The following RHBDF1 variants were observed in gnomAD, a reference collection of about 807,000 sequenced individuals.
The protein encoded by RHBDF1 is rhomboid 5 homolog 1, also known as inactive rhomboid protein 1.
A neutral mutation model predicts 98.6 loss-of-function variants in RHBDF1; 80 were observed. The observed-to-expected ratio is 0.81, with a 90% CI of 0.68 to 0.98. RHBDF1 has a LOEUF of 0.98. Ranked by LOEUF, RHBDF1 falls within the 50% of genes least tolerant of loss-of-function variation. RHBDF1 has a pLI of 0.00. For synonymous variants in RHBDF1, 512 were observed against 486.8 expected (o/e 1.05, Z -0.68); for missense variants, 1,116 against 1,198.3 (o/e 0.93, Z 1.01).
chr16:60,953 TG>T, intron 11 of RHBDF1, 166 bp downstream of exon 11: 6 of 685,600 alleles, frequency 8.8e-6, no homozygotes, highest in Non-Finnish European at 1.4e-5. Context: ...GAGCTGGAGA[TG>T]GGGGAGGGTG....
chr16:59,502 G>C lies in RHBDF1; in HGVS notation c.1818-8C>G, dbSNP rs202148919. The stretch of plus-strand genomic sequence containing the variant: ...CGGGAGGTGATCTCACACCTAGAAA[G>C]GCAGGCCAGGGTTCGGAGACTGCTG... On this transcript the variant is annotated splice_region_variant and splice_polypyrimidine_tract_variant and intron_variant, in intron 14 of 17. Coordinates refer to ENST00000262316, the MANE Select transcript of RHBDF1 (RefSeq NM_022450.5). 7.0e-5 allele frequency: 113 copies of C among 1,612,372 alleles called. No homozygotes were observed. The highest frequency in any genetic ancestry group is 9.0e-5 in the Non-Finnish European group (106 of 1,179,524).
chr16:58,676 G>T lies in RHBDF1; in HGVS notation c.2232C>A (p.Pro744=), dbSNP rs768384863. Reference sequence around the variant, plus strand: ...CCAGCAGCTTGAAGAAGGCACGCCAGGGCCGCGCCAGGATCTGCCAGCTCT... The same window carrying T: ...CCAGCAGCTTGAAGAAGGCACGCCATGGCCGCGCCAGGATCTGCCAGCTCT... ...LFQSWQILAR[P]WRAFFKLLAV... The change falls in exon 18 of 18, where the codon CCC becomes CCA. Residue 744 remains proline (P), a synonymous_variant. Transcript: ENST00000262316. The T allele has an allele frequency of 2.2e-5, 35 of 1,613,228 alleles. No individual in the cohort carries two copies. Among genetic ancestry groups the T allele is most frequent in the Non-Finnish European group, 2.9e-5 (34 of 1,180,008 alleles).
At position 65,147 on chromosome 16, in the gene RHBDF1, T is replaced by C. The variant is rs1159368057; in HGVS notation, c.-24-108A>G. The C allele has an allele frequency of 4.2e-6, 5 of 1,189,604 alleles. No individual in the cohort carries two copies. The Admixed American group carries it at 8.7e-5, about 21-fold the overall frequency. The allele number at this position is 1,189,604 out of a possible 1,614,324, so 73.7% of individuals were successfully genotyped here. On this transcript the variant is annotated intron_variant, in intron 1 of 17. Transcript: ENST00000262316. ...GCAGTGATGAGCCCAACCGTGGTGC[T>C]CATGTCCCCCACTGTCAGAGCACTA...
chr16:59,608 A>G, intron 14 of RHBDF1, 114 bp from the exon 15 acceptor site: 1 of 1,463,626 alleles, frequency 6.8e-7, no homozygotes, highest in South Asian at 1.3e-5. Flanking sequence ...GGAAGTCCAG[A>G]CCCCCTCTAA....
chr16:70,011 A>AGGC (rs1897929739), intron 1 of RHBDF1, among the ~76,000 whole-genome samples: 3 of 79,244 alleles, frequency 3.8e-5, no homozygotes, highest in African/African-American at 8.7e-5. Flanking sequence ...ACTTGGCAGG[A>AGGC]GGGGGGGGGG....
At chr16:71,973 C>T (rs547283294) in intron 1 of RHBDF1, among the ~76,000 whole-genome samples, 2 of 152,304 alleles carry the variant, frequency 1.3e-5, no homozygotes, top group African/African-American at 2.4e-5. Flanking sequence ...GGGCAGAAGG[C>T]GGAGTCAGTC....
intron 11 of RHBDF1, 93 bp downstream of exon 11, chr16:61,027 C>T (rs1446212667): frequency 3.6e-6 from 5 of 1,375,210 alleles, no homozygotes; most frequent in Non-Finnish European, 4.9e-6. Flanking sequence ...GTGCCAGGAA[C>T]GAGGGCGAAG....
intron 6 of RHBDF1, 26 bp downstream of exon 6, chr16:62,749 G>A (rs377356760): frequency 4.3e-6 from 7 of 1,613,910 alleles, no homozygotes; most frequent in Non-Finnish European, 5.9e-6. Flanking sequence ...AACGTGGGGT[G>A]GGGGGACACC....
chr16:61,081 G>A (rs927269178), intron 11 of RHBDF1, 39 bp downstream of exon 11: 7 of 1,509,060 alleles, frequency 4.6e-6, no homozygotes, highest in African/African-American at 2.8e-5. Flanking sequence ...AGCGAACACC[G>A]GGCAGACGAA....
At chr16:64,460 G>T (rs760330640) in intron 3 of RHBDF1, 1 of 1,495,478 alleles carries the variant, frequency 6.7e-7, no homozygotes, top group Admixed American at 2.0e-5. Flanking sequence ...AAGAGCATCC[G>T]GGCGGTGGAG....
chr16:61,419 A>T lies in RHBDF1; in HGVS notation c.1361T>A (p.Val454Glu), dbSNP rs1306269243. The T allele has an allele frequency of 1.2e-6, 2 of 1,612,064 alleles. No individual in the cohort carries two copies. The highest frequency in any genetic ancestry group is 4.5e-5 in the East Asian group (2 of 44,826). ...NRGVYENVKY[V>E]QQENFWIGPS... Reference sequence around the variant, plus strand: ...CCCGATCCAGAAGTTCTCCTGCTGCACGTACTTGACGTTCTCGTAGACCCC... The same window carrying T: ...CCCGATCCAGAAGTTCTCCTGCTGCTCGTACTTGACGTTCTCGTAGACCCC... The change falls in exon 10 of 18, where the codon GTG becomes GAG. Residue 454 changes from valine to glutamate, a missense_variant. Coordinates refer to ENST00000262316, the MANE Select transcript of RHBDF1 (RefSeq NM_022450.5).
upstream of RHBDF1, among the ~76,000 whole-genome samples, chr16:73,110 ACAAT>A (rs970281255): frequency 3.3e-5 from 5 of 152,100 alleles, no homozygotes; most frequent in Admixed American, 2.0e-4. Flanking sequence ...CCGATCACTC[ACAAT>A]CATACACACA....
rs970868969 is a variant in RHBDF1 at position 64,600 on chromosome 16, C to G, written c.248+99G>C. ...ACCGAGATGGAGGAGGAAGCTGAAA[C>G]AAGAGGGCCCTTGTTCTCATTTCCA... On this transcript the variant is annotated intron_variant, in intron 3 of 17. Coordinates refer to ENST00000262316, the MANE Select transcript of RHBDF1 (RefSeq NM_022450.5). The G allele has an allele frequency of 3.2e-6, 5 of 1,540,970 alleles. No individual in the cohort carries two copies. In the Admixed American group the frequency reaches 9.6e-5, roughly 30 times the overall value.
chr16:62,778 G>C lies in RHBDF1; in HGVS notation c.792C>G (p.Ala264=), dbSNP rs1260224482. The change falls in exon 6 of 18, where the codon GCC becomes GCG. Residue 264 remains alanine, a synonymous_variant. Coordinates refer to ENST00000262316, the MANE Select transcript of RHBDF1 (RefSeq NM_022450.5). ...FPDELDTSFF[A]REGILHEELS... is the part of the protein sequence containing the mutation. ...GGACACCCCGGGCACTTCTTACCCG[G>C]GCAAAGAAGGATGTGTCCAGCTCAT... 6.2e-7 allele frequency: 1 copy of C among 1,613,952 alleles called. No individual in the cohort carries two copies. Among genetic ancestry groups the C allele is most frequent in the African/African-American group, 1.3e-5 (1 of 74,944 alleles).
At chr16:63,547 G>A in intron 4 of RHBDF1, 40 bp downstream of exon 4, 1 of 1,480,064 alleles carries the variant, frequency 6.8e-7, no homozygotes, top group South Asian at 1.3e-5. Context: ...CCTGAGAGCG[G>A]AAGGAGGGGC....
At chr16:71,585 C>T (rs1353393557) in intron 1 of RHBDF1, among the ~76,000 whole-genome samples, 2 of 152,232 alleles carry the variant, frequency 1.3e-5, no homozygotes, top group African/African-American at 4.8e-5. Context: ...GTCCCGTTGG[C>T]GGGTGGGAGT....
chr16:70,017 G>C (rs866335316), intron 1 of RHBDF1, among the ~76,000 whole-genome samples: 1 of 152,042 alleles, frequency 6.6e-6, no homozygotes, highest in Admixed American at 6.5e-5. Flanking sequence ...CAGGAGGGGG[G>C]GGGGCACTGC....
intron 7 of RHBDF1, 86 bp downstream of exon 7, chr16:62,452 C>A: frequency 2.0e-6 from 3 of 1,526,198 alleles, no homozygotes; most frequent in Non-Finnish European, 2.7e-6. Flanking sequence ...CCATCGCCCA[C>A]AGAGGTGAAT....
intron 4 of RHBDF1, 145 bp downstream of exon 4, chr16:63,442 G>T: frequency 1.4e-6 from 1 of 727,032 alleles, no homozygotes; most frequent in African/African-American, 1.8e-5. Flanking sequence ...ACTGTTTCAG[G>T]TGCCTTCACG....
Sources: gnomAD v4.1 joint callset for allele counts (sites outside exome capture counted in the v4.1 genomes callset) on GRCh38, gnomAD v4.1.1 for gene constraint, MANE v1.5 for transcripts, NCBI Gene and HGNC (gene_info 2026-07-23, HGNC 2026-07-21) for gene names.